Variants in RNF125 observed in about 807,000 individuals in gnomAD.
RNF125 encodes the protein ring finger protein 125, also known as E3 ubiquitin-protein ligase RNF125.
RNF125 carries 21 observed loss-of-function variants against 26.0 expected under a neutral mutation model. The ratio of observed to expected loss-of-function variants is 0.81; its 90% CI spans 0.57 to 1.16. The LOEUF (loss-of-function observed/expected upper bound fraction) is 1.16. RNF125 is among the 50% of genes most tolerant of loss of function. RNF125 has a pLI of 0.00. For missense variants in RNF125, 270 were observed against 299.4 expected (o/e 0.90, Z 0.72); for synonymous variants, 95 against 109.2 (o/e 0.87, Z 0.81).
At chr18:32,021,430 G>A (rs547015267) in intron 1 of RNF125, among the ~76,000 whole-genome samples, 1 of 152,196 alleles carries the variant, frequency 6.6e-6, no homozygotes, top group South Asian at 2.1e-4. Flanking sequence ...TAAAACTCGA[G>A]GCTTAAATTT....
the RNF125 span, among the ~76,000 whole-genome samples, chr18:32,089,859 A>G: frequency 6.6e-6 from 1 of 152,226 alleles, no homozygotes; most frequent in African/African-American, 2.4e-5. Flanking sequence ...ATGGTTAGAT[A>G]TTCCCAATGA....
the RNF125 span, among the ~76,000 whole-genome samples, chr18:32,084,496 A>C: frequency 6.6e-6 from 1 of 152,198 alleles, no homozygotes; most frequent in African/African-American, 2.4e-5. Context: ...TATTCAGTGA[A>C]GTGACTTTAG....
In RNF125 at chr18:32,065,774, G is replaced by C. The variant is rs903171457; in HGVS notation, c.505-128G>C. 4.7e-6 allele frequency: 3 copies of C among 632,234 alleles called. No homozygotes were observed. In the African/African-American group the frequency reaches 5.5e-5, roughly 12 times the overall value. 39.2% of individuals were successfully genotyped at this position (632,234 alleles called of 1,614,324 possible). ...TCTCCATCTCTTGACCTGGTGATCC[G>C]GCCGCCTCTGCCTCCCAAAGTACTG... On this transcript the variant is annotated intron_variant, in intron 4 of 5. Coordinates refer to ENST00000217740, the MANE Select transcript of RNF125 (RefSeq NM_017831.4).
intron 5 of RNF125, among the ~76,000 whole-genome samples, chr18:32,066,696 G>A (rs1340191499): frequency 2.0e-5 from 3 of 152,172 alleles, no homozygotes; most frequent in African/African-American, 4.8e-5. Context: ...GAGATTAAAA[G>A]CACCTACTCC....
At chr18:32,025,059 T>G (rs568643640) in intron 1 of RNF125, among the ~76,000 whole-genome samples, 6 of 152,074 alleles carry the variant, frequency 3.9e-5, no homozygotes, top group Admixed American at 1.3e-4. Context: ...TTGAGAGTCG[T>G]TCTCAAAAAA....
chr18:32,078,928 AC>A, the RNF125 span, among the ~76,000 whole-genome samples: 1 of 152,096 alleles, frequency 6.6e-6, no homozygotes, highest in Non-Finnish European at 1.5e-5. Flanking sequence ...GACTTCCTTG[AC>A]CCACCCAAGT....
rs1349830488 is a variant in RNF125, at chr18:32,042,250, A to G, written c.390A>G (p.Gln130=). 6.2e-7 allele frequency: 1 copy of G among 1,612,818 alleles called. No individual in the cohort carries two copies. Among genetic ancestry groups the G allele is most frequent in the East Asian group, 2.2e-5 (1 of 44,836 alleles). Residue 130 remains glutamine, a synonymous_variant, in exon 3 of 6, where the codon CAA becomes CAG. Transcript: ENST00000217740. ...QKYIDKYGPL[Q]ELEETAARCV... is the part of the protein sequence containing the mutation. ...ACATAGATAAGTATGGACCACTACA[A>G]GAACTTGAGGAGACAGCAGCAAGGT...
chr18:32,018,905 C>T lies in RNF125; in HGVS notation c.42C>T (p.Pro14=), dbSNP rs780911222. 39 of 1,605,598 alleles carry T rather than the reference C, an allele frequency of 2.4e-5. No individual in the cohort carries two copies. Among genetic ancestry groups the T allele is most frequent in the Non-Finnish European group, 3.1e-5 (36 of 1,176,354 alleles). Residue 14 remains proline (P), a synonymous_variant, in exon 1 of 6, where the codon CCC becomes CCT. Coordinates refer to ENST00000217740, the MANE Select transcript of RNF125 (RefSeq NM_017831.4). ...VLSTDSGKSA[P]ASATARALER... Reference sequence around the variant, plus strand: ...GCACCGACAGCGGCAAATCGGCGCCCGCCTCTGCCACCGCGCGGGCCCTGG... The same window carrying T: ...GCACCGACAGCGGCAAATCGGCGCCTGCCTCTGCCACCGCGCGGGCCCTGG...
intron 4 of RNF125, among the ~76,000 whole-genome samples, chr18:32,050,193 C>T (rs115971930): frequency 0.016 from 2,399 of 152,234 alleles, 67 homozygotes; most frequent in African/African-American, 0.055. Context: ...ACCATCTTTT[C>T]TTTCTGAGCT....
At chr18:32,022,354 A>G (rs926874990) in intron 1 of RNF125, among the ~76,000 whole-genome samples, 1 of 152,216 alleles carries the variant, frequency 6.6e-6, no homozygotes, top group African/African-American at 2.4e-5. Context: ...CACCTCTGCC[A>G]CTAGCCAGAT....
intron 4 of RNF125, among the ~76,000 whole-genome samples, chr18:32,055,113 G>A (rs58115302): frequency 0.082 from 12,385 of 151,270 alleles, 1,647 homozygotes; most frequent in African/African-American, 0.28. Flanking sequence ...CCTGGGCAAC[G>A]GAGCAAGACC....
chr18:32,021,866 T>C (rs914037673), intron 1 of RNF125, among the ~76,000 whole-genome samples: 1 of 152,194 alleles, frequency 6.6e-6, no homozygotes, highest in Non-Finnish European at 1.5e-5. Context: ...GGAAAAATAG[T>C]CATAAAATAG....
chr18:32,019,023 C>CACGT lies in RNF125; in HGVS notation c.161_164dup (p.Phe56ArgfsTer34). On this transcript the variant is annotated frameshift_variant, in exon 1 of 6. Coordinates refer to ENST00000217740, the MANE Select transcript of RNF125 (RefSeq NM_017831.4). LOFTEE classifies it high-confidence loss of function. ...CCAGCCTGTCCGGACCCGCTGTGGC[C>CACGT]ACGTGTAAGTTCCAGGGGAGCTCGG... 5 of 1,612,470 alleles carry CACGT rather than the reference C, an allele frequency of 3.1e-6. No individual in the cohort carries two copies. Among genetic ancestry groups the CACGT allele is most frequent in the Non-Finnish European group, 3.4e-6 (4 of 1,179,342 alleles).
chr18:32,085,020 T>A, the RNF125 span, among the ~76,000 whole-genome samples: 2 of 152,104 alleles, frequency 1.3e-5, no homozygotes, highest in African/African-American at 4.8e-5. Context: ...GAGGAGAGAA[T>A]TTAAGCTTAC....
chr18:32,029,598 T>G (rs2039072395), intron 1 of RNF125, among the ~76,000 whole-genome samples: 2 of 146,320 alleles, frequency 1.4e-5, no homozygotes, highest in African/African-American at 2.6e-5. Context: ...TCAGTTTGGG[T>G]GACAGAATGA....
Position 32,042,189 on chromosome 18 carries a change from G to C in RNF125, c.329G>C (p.Ser110Thr). The C allele has an allele frequency of 2.5e-6, 4 of 1,612,442 alleles. No individual in the cohort carries two copies. Among genetic ancestry groups the C allele is most frequent in the Non-Finnish European group, 3.4e-6 (4 of 1,178,750 alleles). ...CAECDTLVCL[S>T]EMRAHIRTCQ... ...TTTGTTTTTATGTAGGTTTGCCTCA[G>C]TGAAATGAGGGCACATATTCGGACT... is the stretch of plus-strand genomic sequence containing the variant. The change falls in exon 3 of 6, where the codon AGT becomes ACT. Residue 110 changes from serine (S) to threonine (T), a missense_variant. Transcript: ENST00000217740.
chr18:32,032,163 G>A (rs1441155718), intron 1 of RNF125, among the ~76,000 whole-genome samples: 5 of 152,058 alleles, frequency 3.3e-5, no homozygotes, highest in African/African-American at 9.7e-5. Context: ...TGCATCCTCC[G>A]CCTCCCGGGT....
intron 1 of RNF125, among the ~76,000 whole-genome samples, chr18:32,028,018 G>A (rs2039053624): frequency 6.6e-6 from 1 of 152,038 alleles, no homozygotes; most frequent in Non-Finnish European, 1.5e-5. Flanking sequence ...GCAGTAGTCG[G>A]CCGGGCGCGG....
At chr18:32,089,931 A>C in the RNF125 span, among the ~76,000 whole-genome samples, 10 of 152,240 alleles carry the variant, frequency 6.6e-5, no homozygotes, top group South Asian at 2.1e-4. Context: ...AGAATGAATG[A>C]AATGAGTGGA....
Sources: gnomAD v4.1 joint callset for allele counts (sites outside exome capture counted in the v4.1 genomes callset) on GRCh38, gnomAD v4.1.1 for gene constraint, MANE v1.5 for transcripts, NCBI Gene and HGNC (gene_info 2026-07-23, HGNC 2026-07-21) for gene names.